The following LUZP2 variants were observed in gnomAD, a reference collection of about 807,000 sequenced individuals.
LUZP2 encodes leucine zipper protein 2.
A neutral mutation model predicts 51.6 loss-of-function variants in LUZP2; 52 were observed. The observed-to-expected ratio is 1.01, with a 90% CI of 0.81 to 1.27. The LOEUF (loss-of-function observed/expected upper bound fraction) is 1.27, where lower values mean the gene tolerates loss of function less well. LUZP2 is among the 50% of genes most tolerant of loss of function. The pLI, the probability that LUZP2 is intolerant of heterozygous loss-of-function variation, is 0.00. For synonymous variants in LUZP2, 154 were observed against 137.3 expected, an observed-to-expected ratio of 1.12 and a Z score of -0.85; for missense variants, 436 against 395.4, an observed-to-expected ratio of 1.10 and a Z score of -0.87.
At chr11:24,961,402 C>T (rs902950940) in intron 7 of LUZP2, among the ~76,000 whole-genome samples, 2 of 152,036 alleles carry the variant, frequency 1.3e-5, no homozygotes, top group African/African-American at 4.8e-5. Flanking sequence ...GTAGGTCACT[C>T]AGGACTTGCT....
At chr11:24,976,115 G>T (rs1235572468) in intron 7 of LUZP2, among the ~76,000 whole-genome samples, 17 of 151,692 alleles carry the variant, frequency 1.1e-4, no homozygotes, top group Admixed American at 1.1e-3. Context: ...CTCTCCTTAT[G>T]TGAACATGTG....
chr11:24,704,986 A>G (rs1452200670), intron 1 of LUZP2, among the ~76,000 whole-genome samples: 1 of 152,182 alleles, frequency 6.6e-6, no homozygotes, highest in East Asian at 1.9e-4. Flanking sequence ...TCTGTCTACA[A>G]ATATGAACAC....
chr11:24,789,281 C>A (rs932334964), intron 5 of LUZP2, among the ~76,000 whole-genome samples: 2 of 152,152 alleles, frequency 1.3e-5, no homozygotes, highest in African/African-American at 2.4e-5. Context: ...TATATATGGT[C>A]AACTAGGGAT....
At chr11:24,597,181 T>C (rs1386375017) in intron 1 of LUZP2, among the ~76,000 whole-genome samples, 3 of 152,210 alleles carry the variant, frequency 2.0e-5, no homozygotes, top group African/African-American at 7.2e-5. Flanking sequence ...GTATACTATA[T>C]GTATAAGCAT....
At chr11:24,687,495 A>G (rs1051252095) in intron 1 of LUZP2, among the ~76,000 whole-genome samples, 4 of 152,202 alleles carry the variant, frequency 2.6e-5, no homozygotes, top group African/African-American at 4.8e-5. Context: ...CGTTTTACAC[A>G]CTAAGGTTTA....
intron 1 of LUZP2, among the ~76,000 whole-genome samples, chr11:24,607,395 A>G (rs1409418436): frequency 8.4e-6 from 1 of 118,718 alleles, no homozygotes; most frequent in Non-Finnish European, 1.6e-5. Flanking sequence ...TTTTTCCAGC[A>G]CCATTTATCG....
intron 1 of LUZP2, among the ~76,000 whole-genome samples, chr11:24,528,872 T>C (rs72872562): frequency 0.054 from 8,192 of 151,312 alleles, 285 homozygotes; most frequent in Middle Eastern, 0.11. Context: ...TCCTGAAAGA[T>C]AGAAGTGTTA....
At chr11:24,521,705 G>A (rs1850648886) in intron 1 of LUZP2, among the ~76,000 whole-genome samples, 1 of 152,130 alleles carries the variant, frequency 6.6e-6, no homozygotes, top group African/African-American at 2.4e-5. Flanking sequence ...CAGTGAAGCA[G>A]ATCACAGTGA....
At chr11:24,643,241 T>C (rs2133948551) in intron 1 of LUZP2, among the ~76,000 whole-genome samples, 1 of 126,064 alleles carries the variant, frequency 7.9e-6, no homozygotes, top group South Asian at 2.6e-4. Flanking sequence ...AAACCTCGTC[T>C]GTACTAAAAG....
At chr11:24,532,493 C>T (rs1249438749) in intron 1 of LUZP2, among the ~76,000 whole-genome samples, 2 of 150,820 alleles carry the variant, frequency 1.3e-5, no homozygotes, top group Non-Finnish European at 3.0e-5. Flanking sequence ...TCCTAAGAAC[C>T]ATCTCAATTA....
chr11:24,960,301 A>G (rs1443110852), intron 7 of LUZP2, among the ~76,000 whole-genome samples: 1 of 152,010 alleles, frequency 6.6e-6, no homozygotes, highest in Non-Finnish European at 1.5e-5. Context: ...TTTTCTATTG[A>G]GTGGAATAGT....
At chr11:24,981,985 A>C (rs974150166) in intron 8 of LUZP2, among the ~76,000 whole-genome samples, 18 of 151,962 alleles carry the variant, frequency 1.2e-4, no homozygotes, top group Admixed American at 1.1e-3. Flanking sequence ...GAAGACACAC[A>C]TGTGGCCAAC....
chr11:24,756,865 T>G (rs1859795028), intron 4 of LUZP2, among the ~76,000 whole-genome samples: 1 of 152,208 alleles, frequency 6.6e-6, no homozygotes, highest in Admixed American at 6.5e-5. Flanking sequence ...AGTCATGGCC[T>G]ATAGAACTTC....
intron 1 of LUZP2, among the ~76,000 whole-genome samples, chr11:24,715,161 T>C (rs1452257820): frequency 7.8e-6 from 1 of 128,966 alleles, no homozygotes. Context: ...AAAGTAAATG[T>C]TTGAAAAAAA....
At chr11:24,665,694 A>G (rs934056838) in intron 1 of LUZP2, among the ~76,000 whole-genome samples, 12 of 152,004 alleles carry the variant, frequency 7.9e-5, no homozygotes, top group Admixed American at 2.6e-4. Flanking sequence ...CTTGGCTCTC[A>G]TTCTTCTCTC....
chr11:24,848,546 C>T lies in LUZP2; in HGVS notation c.397-57445C>T, dbSNP rs74383498. ...GCCCTACTGCCTTTCTTGTCTTTGG[C>T]CCTGCTGCCTTCTTAGTCTAGTTAT... On this transcript the variant is annotated intron_variant, in intron 5 of 11. Coordinates refer to ENST00000336930, the MANE Select transcript of LUZP2 (RefSeq NM_001009909.4). 1.7e-3 allele frequency among the ~76,000 whole-genome samples: 252 copies of T among 152,222 alleles called. 1 individual carries two copies. The East Asian group carries it at 0.02, about 12-fold the overall frequency.
intron 1 of LUZP2, among the ~76,000 whole-genome samples, chr11:24,674,019 A>G (rs916680727): frequency 5.3e-5 from 8 of 152,196 alleles, no homozygotes; most frequent in African/African-American, 1.9e-4. Flanking sequence ...TCATCTTTCA[A>G]TTAATGAAAC....
chr11:24,734,605 G>A (rs1449724620), intron 3 of LUZP2, among the ~76,000 whole-genome samples: 2 of 151,682 alleles, frequency 1.3e-5, no homozygotes, highest in African/African-American at 4.8e-5. Context: ...TATAATAAAA[G>A]GTAACTTCTC....
chr11:24,706,651 T>G (rs1857594057), intron 1 of LUZP2, among the ~76,000 whole-genome samples: 1 of 152,128 alleles, frequency 6.6e-6, no homozygotes, highest in South Asian at 2.1e-4. Context: ...GACGCGAAGG[T>G]GCAAATTGAA....
Sources: gnomAD v4.1 joint callset for allele counts (sites outside exome capture counted in the v4.1 genomes callset) on GRCh38, gnomAD v4.1.1 for gene constraint, MANE v1.5 for transcripts, NCBI Gene and HGNC (gene_info 2026-07-23, HGNC 2026-07-21) for gene names.